Variants in CADM1 observed in about 807,000 individuals in gnomAD.
The protein encoded by CADM1 is TSLC-1.
In CADM1, 15 loss-of-function variants were observed where a neutral mutation model predicts 53.1. That is an observed-to-expected ratio of 0.28 (90% CI 0.19 to 0.44). The LOEUF (loss-of-function observed/expected upper bound fraction) is 0.44, where lower values mean the gene tolerates loss of function less well. Among genes scored for constraint, CADM1 ranks in the 20% least tolerant of loss-of-function variants. The pLI, the probability that CADM1 is intolerant of heterozygous loss-of-function variation, is 1.00. For synonymous variants in CADM1, 281 were observed against 243.0 expected (o/e 1.16, Z -1.45); for missense variants, 434 against 611.3 (o/e 0.71, Z 3.06).
intron 1 of CADM1, among the ~76,000 whole-genome samples, chr11:115,319,102 A>C (rs979988048): frequency 2.0e-5 from 3 of 152,142 alleles, no homozygotes; most frequent in African/African-American, 7.2e-5. Context: ...TATGGCAGAG[A>C]ATGCTAGTTG....
chr11:115,428,174 T>A (rs1248737665), intron 1 of CADM1, among the ~76,000 whole-genome samples: 1 of 152,040 alleles, frequency 6.6e-6, no homozygotes, highest in Non-Finnish European at 1.5e-5. Context: ...AAGGTACAAA[T>A]ATTTATGAAA....
At chr11:115,366,244 A>G (rs1565389352) in intron 1 of CADM1, among the ~76,000 whole-genome samples, 1 of 152,254 alleles carries the variant, frequency 6.6e-6, no homozygotes, top group Non-Finnish European at 1.5e-5. Context: ...GAACAAAAAG[A>G]CTTGCTAAGC....
intron 1 of CADM1, among the ~76,000 whole-genome samples, chr11:115,443,271 AAAC>A (rs1478865609): frequency 2.6e-5 from 4 of 152,340 alleles, no homozygotes; most frequent in Non-Finnish European, 5.9e-5. Context: ...TCCAAAACCA[AAAC>A]AACCGATCTT....
intron 1 of CADM1, among the ~76,000 whole-genome samples, chr11:115,297,411 G>T (rs968691843): frequency 6.6e-6 from 1 of 152,172 alleles, no homozygotes; most frequent in Non-Finnish European, 1.5e-5. Context: ...CTGCTGTAAT[G>T]AAGCCCTGGA....
chr11:115,294,895 G>A lies in CADM1; in HGVS notation c.125-54475C>T, dbSNP rs567398230. 1.5e-3 allele frequency among the ~76,000 whole-genome samples: 231 copies of A among 152,006 alleles called. 5 individuals carry two copies. In the South Asian group the frequency reaches 0.041, roughly 27 times the overall value. On this transcript the variant is annotated intron_variant, in intron 1 of 11. Transcript: ENST00000331581. ...ACTAAAAAAAATACAAAAATTAGCC[G>A]GGCATGGTGGCATGCACCTGTAATC...
intron 1 of CADM1, among the ~76,000 whole-genome samples, chr11:115,328,914 T>C (rs548425563): frequency 3.5e-4 from 53 of 149,692 alleles, no homozygotes; most frequent in Non-Finnish European, 5.6e-4. Flanking sequence ...GATTATGGCA[T>C]TTTATTTGAT....
rs193291613 is a variant in CADM1 at position 115,225,186 on chromosome 11, C to A, written c.721+3927G>T. On this transcript the variant is annotated intron_variant, in intron 5 of 11. Transcript: ENST00000331581. ...CCCGGCAACGTTCCTATGAGAAAAC[C>A]TTATTAATGAGCTTGCAAACGAGCA... Among the ~76,000 whole-genome samples, 5 of 152,134 alleles carry A rather than the reference C, an allele frequency of 3.3e-5. No homozygotes were observed. The East Asian group carries it at 9.7e-4, about 29-fold the overall frequency.
intron 1 of CADM1, among the ~76,000 whole-genome samples, chr11:115,435,570 T>C (rs981039124): frequency 8.6e-5 from 13 of 151,996 alleles, no homozygotes; most frequent in African/African-American, 3.1e-4. Flanking sequence ...CCCTCTCTAC[T>C]AAAAATACAA....
intron 1 of CADM1, among the ~76,000 whole-genome samples, chr11:115,386,955 G>C (rs1354015253): frequency 6.6e-6 from 1 of 152,144 alleles, no homozygotes; most frequent in African/African-American, 2.4e-5. Flanking sequence ...GCATCAAGAA[G>C]TAAAATATAA....
At chr11:115,286,948 C>T (rs548717033) in intron 1 of CADM1, among the ~76,000 whole-genome samples, 2 of 152,292 alleles carry the variant, frequency 1.3e-5, no homozygotes, top group African/African-American at 2.4e-5. Context: ...AAAAGCTACT[C>T]GAAGCTGTTA....
At chr11:115,468,068 A>G (rs976113206) in intron 1 of CADM1, among the ~76,000 whole-genome samples, 2 of 152,252 alleles carry the variant, frequency 1.3e-5, no homozygotes, top group African/African-American at 4.8e-5. Flanking sequence ...GATGTAATAA[A>G]ACAAAAGCAT....
chr11:115,454,607 G>T (rs180743990), intron 1 of CADM1, among the ~76,000 whole-genome samples: 10 of 152,274 alleles, frequency 6.6e-5, no homozygotes, highest in Admixed American at 4.6e-4. Flanking sequence ...ATCATATCAA[G>T]TTCCAAATTC....
chr11:115,394,567 T>C (rs1187961393), intron 1 of CADM1, among the ~76,000 whole-genome samples: 6 of 152,214 alleles, frequency 3.9e-5, no homozygotes, highest in Non-Finnish European at 8.8e-5. Context: ...TCTCGTCTTC[T>C]CTAGCGTTAC....
At chr11:115,375,655 G>A (rs1021639075) in intron 1 of CADM1, among the ~76,000 whole-genome samples, 2 of 152,092 alleles carry the variant, frequency 1.3e-5, no homozygotes, top group African/African-American at 4.8e-5. Flanking sequence ...AAAACAATGT[G>A]TTGTTAAAGT....
At chr11:115,212,819 C>T (rs1334072884) in intron 7 of CADM1, among the ~76,000 whole-genome samples, 1 of 152,162 alleles carries the variant, frequency 6.6e-6, no homozygotes, top group Admixed American at 6.5e-5. Context: ...CGTGATAATG[C>T]CTGCCTCCTG....
chr11:115,200,633 T>C (rs1319037116), intron 8 of CADM1, among the ~76,000 whole-genome samples: 1 of 152,192 alleles, frequency 6.6e-6, no homozygotes, highest in East Asian at 1.9e-4. Flanking sequence ...GTAGCTGGGA[T>C]TACTGGCATG....
At chr11:115,205,852 A>G (rs10891809) in intron 8 of CADM1, among the ~76,000 whole-genome samples, 18,228 of 152,162 alleles carry the variant, frequency 0.12, 1,372 homozygotes, top group East Asian at 0.39. Flanking sequence ...ATTTAATGGT[A>G]CTATAATGGC....
At position 115,289,344 on chromosome 11, in the gene CADM1, G is replaced by A. The variant is rs182722757; in HGVS notation, c.125-48924C>T. Among the ~76,000 whole-genome samples the A allele has an allele frequency of 5.4e-3, 823 of 152,022 alleles. 13 individuals are homozygous for A. The highest frequency in any genetic ancestry group is 0.018 in the African/African-American group (763 of 41,496). ...TGCACCACTGCACTCCAGCCTGGGC[G>A]ACAGAGTGAGATTCCATCTCAAAAA... is the stretch of plus-strand genomic sequence containing the variant. On this transcript the variant is annotated intron_variant, in intron 1 of 11. Transcript: ENST00000331581.
chr11:115,221,817 G>A (rs781216225), intron 5 of CADM1, among the ~76,000 whole-genome samples: 3 of 152,118 alleles, frequency 2.0e-5, no homozygotes, highest in Non-Finnish European at 2.9e-5. Context: ...GCAGAGCTGA[G>A]TCAGTGGAAA....
Sources: allele counts gnomAD v4.1 joint callset (sites outside exome capture counted in the v4.1 genomes callset), GRCh38; gene constraint gnomAD v4.1.1; transcripts MANE v1.5; gene names NCBI Gene and HGNC (gene_info 2026-07-23, HGNC 2026-07-21).